Variants in QTRT1 observed in about 807,000 individuals in gnomAD.
The protein encoded by QTRT1 is queuine tRNA-ribosyltransferase catalytic subunit 1, also known as TGT, 43-KD subunit.
QTRT1 carries 41 observed loss-of-function variants against 44.0 expected under a neutral mutation model. The observed-to-expected ratio is 0.93, with a 90% CI of 0.73 to 1.21. The LOEUF (loss-of-function observed/expected upper bound fraction) is 1.21. QTRT1 is among the 50% of genes most tolerant of loss of function. The pLI is 0.00. For missense variants in QTRT1, 542 were observed against 575.8 expected, an observed-to-expected ratio of 0.94 and a Z score of 0.60; for synonymous variants, 226 against 237.1, an observed-to-expected ratio of 0.95 and a Z score of 0.43.
intron 1 of QTRT1, 32 bp downstream of exon 1, chr19:10,701,735 C>G (rs2068690085): frequency 6.4e-7 from 1 of 1,553,794 alleles, no homozygotes; most frequent in East Asian, 2.4e-5. Context: ...GGGGAGGCGG[C>G]GAGGCGGCGA....
At chr19:10,704,265 C>G (rs571274781) in intron 3 of QTRT1, among the ~76,000 whole-genome samples, 1 of 152,202 alleles carries the variant, frequency 6.6e-6, no homozygotes, top group African/African-American at 2.4e-5. Flanking sequence ...GCATGAGCCA[C>G]TGTGCCAGCC....
rs1489047146 is a variant in QTRT1, at chr19:10,712,827, G to A, written c.931G>A (p.Gly311Ser). 5.0e-6 allele frequency: 8 copies of A among 1,613,862 alleles called. No homozygotes were observed. The East Asian group carries it at 6.7e-5, about 13-fold the overall frequency. ...LRKKVFEKDF[G>S]PIDPECTCPT... ...GAAGAAGGTGTTTGAGAAGGACTTC[G>A]GCCCCATAGACCCGGAGTGCACCTG... is the stretch of plus-strand genomic sequence containing the variant. The change falls in exon 8 of 10, where the codon GGC (glycine) becomes AGC (serine). Residue 311 changes from glycine (G) to serine (S), a missense_variant. By Grantham distance (56) the Gly-to-Ser change is moderately conservative (BLOSUM62 0). Transcript: ENST00000250237. The surrounding 1 kb of genome is among the most constrained non-coding windows in gnomAD (Gnocchi z 5.6).
intron 3 of QTRT1, among the ~76,000 whole-genome samples, chr19:10,702,743 T>C (rs964728556): frequency 1.7e-4 from 25 of 148,272 alleles, no homozygotes; most frequent in Non-Finnish European, 2.7e-4. Flanking sequence ...GCTTCTCCCA[T>C]ATCCTCAATA....
chr19:10,712,189 C>T lies in QTRT1; in HGVS notation c.675C>T (p.Phe225=), dbSNP rs780126367. 66 of 1,613,580 alleles carry T rather than the reference C, an allele frequency of 4.1e-5. No homozygotes were observed. The highest frequency in any genetic ancestry group is 3.7e-4 in the South Asian group (34 of 91,062). The change falls in exon 6 of 10, where the codon TTC becomes TTT. Residue 225 remains phenylalanine (F), a synonymous_variant. Coordinates refer to ENST00000250237, the MANE Select transcript of QTRT1 (RefSeq NM_031209.3). The surrounding 1 kb of genome is among the most constrained non-coding windows in gnomAD (Gnocchi z 5.6). The part of the protein sequence containing the change: ...EEMTKRDVPG[F]AIGGLSGGES... ...TGACCAAGCGAGACGTGCCTGGCTT[C>T]GCCATCGGGGGCCTGAGCGGGGGTG... is the stretch of plus-strand genomic sequence containing the variant.
At position 10,713,105 on chromosome 19, in the gene QTRT1, C is replaced by T. The variant is rs1363827778; in HGVS notation, c.1060-13C>T. On this transcript the variant is annotated splice_polypyrimidine_tract_variant and intron_variant, in intron 9 of 9. Transcript: ENST00000250237. The surrounding 1 kb of genome is among the most constrained non-coding windows in gnomAD (Gnocchi z 4.3). ...AGGTGCGTATGCCCCACGCTGACCT[C>T]CCCTCCCCGCAGCTGCAGCTCATGA... 6.2e-7 allele frequency: 1 copy of T among 1,608,540 alleles called. No individual in the cohort carries two copies. Among genetic ancestry groups the T allele is most frequent in the Non-Finnish European group, 8.5e-7 (1 of 1,179,434 alleles).
Position 10,713,234 on chromosome 19 carries a change from T to C in QTRT1, c.1176T>C (p.Thr392=). Residue 392 remains threonine (T), a synonymous_variant, in exon 10 of 10, where the codon ACT becomes ACC. Transcript: ENST00000250237. This position sits in a 1 kb window ranked among gnomAD's most constrained non-coding sequence, Gnocchi z 4.3. ...GDPTLCPTWA[T]DALASVGITL... ...CCACCCTCTGTCCCACCTGGGCCAC[T>C]GACGCTCTGGCCTCTGTGGGAATCA... 1 of 1,601,866 alleles carries C rather than the reference T, an allele frequency of 6.2e-7. No homozygotes were observed.
At chr19:10,707,164 G>C (rs150186668) in intron 3 of QTRT1, 138 bp from the exon 4 acceptor site, 4 of 801,304 alleles carry the variant, frequency 5.0e-6, no homozygotes, top group Non-Finnish European at 8.5e-6. Context: ...TAAACAGACC[G>C]GGAAAGTCAC....
chr19:10,707,062 T>C (rs1245362402), intron 3 of QTRT1, among the ~76,000 whole-genome samples: 1 of 152,232 alleles, frequency 6.6e-6, no homozygotes, highest in Non-Finnish European at 1.5e-5. Context: ...TTGTATATTT[T>C]AGGATTTTAT....
At chr19:10,707,653 C>T (rs369708697) in intron 5 of QTRT1, 38 bp downstream of exon 5, 42 of 1,468,956 alleles carry the variant, frequency 2.9e-5, no homozygotes, top group East Asian at 2.3e-5. Context: ...GCTTGGCCAT[C>T]GCGGAGGTCC....
intron 3 of QTRT1, among the ~76,000 whole-genome samples, chr19:10,705,098 A>G (rs560972930): frequency 6.6e-6 from 1 of 150,996 alleles, no homozygotes; most frequent in South Asian, 2.1e-4. Flanking sequence ...TACTTTTAGT[A>G]GAGACGGGGT....
At position 10,712,530 on chromosome 19, in the gene QTRT1, T is replaced by A; in HGVS notation, c.786-23T>A. On this transcript the variant is annotated intron_variant, in intron 6 of 9. Coordinates refer to ENST00000250237, the MANE Select transcript of QTRT1 (RefSeq NM_031209.3). The surrounding 1 kb of genome is among the most constrained non-coding windows in gnomAD (Gnocchi z 5.6). ...GAAGCCCCTGAGGTTCTCTGCCCCC[T>A]CCCGTCATGGCTGCAACCCCAGCTA... The A allele has an allele frequency of 6.2e-7, 1 of 1,608,618 alleles. No individual in the cohort carries two copies. The highest frequency in any genetic ancestry group is 8.5e-7 in the Non-Finnish European group (1 of 1,175,278).
Position 10,712,566 on chromosome 19 carries a change from C to T in QTRT1, c.799C>T (p.Leu267=). 1.9e-6 allele frequency: 3 copies of T among 1,613,684 alleles called. No homozygotes were observed. Among genetic ancestry groups the T allele is most frequent in the Non-Finnish European group, 2.5e-6 (3 of 1,179,726 alleles). The change falls in exon 7 of 10, where the codon CTG becomes TTG. Residue 267 remains leucine, a synonymous_variant. Transcript: ENST00000250237. This position sits in a 1 kb window ranked among gnomAD's most constrained non-coding sequence, Gnocchi z 5.6. ...YLMGVGYATD[L]VVCVALGCDM... ...CTGCAACCCCAGCTATGCCACTGATCTGGTAGTCTGCGTGGCTCTTGGATG... is the reference window on the plus strand; with the variant it reads ...CTGCAACCCCAGCTATGCCACTGATTTGGTAGTCTGCGTGGCTCTTGGATG...
At chr19:10,710,659 T>C (rs2068734794) in intron 5 of QTRT1, among the ~76,000 whole-genome samples, 2 of 151,800 alleles carry the variant, frequency 1.3e-5, no homozygotes, top group South Asian at 4.2e-4. Flanking sequence ...TGGTGGCTCA[T>C]GCCTGTAATC....
intron 3 of QTRT1, among the ~76,000 whole-genome samples, chr19:10,705,337 C>T (rs2145619879): frequency 6.6e-6 from 1 of 151,796 alleles, no homozygotes; most frequent in South Asian, 2.1e-4. Context: ...CTTCTGGGTT[C>T]AAGCACTTCT....
At position 10,702,905 on chromosome 19, in the gene QTRT1, G is replaced by T. The variant is rs1426293435; in HGVS notation, c.451+651G>T. 5.3e-5 allele frequency among the ~76,000 whole-genome samples: 8 copies of T among 150,692 alleles called. No homozygotes were observed. The East Asian group carries it at 1.4e-3, about 26-fold the overall frequency. The stretch of plus-strand genomic sequence containing the variant: ...CTGACTCAGCCTCCCGAGTAGCTGG[G>T]ATTACAGGTGTGCGCCACCACACCT... On this transcript the variant is annotated intron_variant, in intron 3 of 9. Coordinates refer to ENST00000250237, the MANE Select transcript of QTRT1 (RefSeq NM_031209.3).
In QTRT1 at chr19:10,712,566, C is replaced by G. The variant is rs1346888116; in HGVS notation, c.799C>G (p.Leu267Val). The change falls in exon 7 of 10, where the codon CTG (leucine) becomes GTG (valine). Residue 267 changes from leucine (L) to valine (V), a missense_variant. Coordinates refer to ENST00000250237, the MANE Select transcript of QTRT1 (RefSeq NM_031209.3). This position sits in a 1 kb window ranked among gnomAD's most constrained non-coding sequence, Gnocchi z 5.6. ...CTGCAACCCCAGCTATGCCACTGAT[C>G]TGGTAGTCTGCGTGGCTCTTGGATG... is the stretch of plus-strand genomic sequence containing the variant. The part of the protein sequence containing the change: ...YLMGVGYATD[L>V]VVCVALGCDM... 11 of 1,613,566 alleles carry G rather than the reference C, an allele frequency of 6.8e-6. No individual in the cohort carries two copies. Among genetic ancestry groups the G allele is most frequent in the Non-Finnish European group, 8.5e-6 (10 of 1,179,734 alleles).
rs560594127 is a variant in QTRT1, at chr19:10,713,175, G to A, written c.1117G>A (p.Val373Met). The A allele has an allele frequency of 1.1e-5, 17 of 1,609,894 alleles. No individual in the cohort carries two copies. The East Asian group carries it at 1.1e-4, about 11-fold the overall frequency. ...SIVEKRFPDF[V>M]RDFMGAMYGD... ...CGTGGAGAAGCGCTTCCCGGACTTC[G>A]TGCGGGACTTCATGGGCGCCATGTA... The change falls in exon 10 of 10, where the codon GTG becomes ATG. Residue 373 changes from valine to methionine, a missense_variant. Transcript: ENST00000250237. This position sits in a 1 kb window ranked among gnomAD's most constrained non-coding sequence, Gnocchi z 4.3.
At position 10,712,467 on chromosome 19, in the gene QTRT1, C is replaced by G; in HGVS notation, c.786-86C>G. ...GGGGGCCATTCTGAGGGAATATGGC[C>G]CAGTCTGGGGCAGTGTGAGGGTTGG... On this transcript the variant is annotated intron_variant, in intron 6 of 9. Transcript: ENST00000250237. The surrounding 1 kb of genome is among the most constrained non-coding windows in gnomAD (Gnocchi z 5.6). 6.8e-7 allele frequency: 1 copy of G among 1,463,610 alleles called. No homozygotes were observed. The highest frequency in any genetic ancestry group is 9.6e-7 in the Non-Finnish European group (1 of 1,046,582). The allele number at this position is 1,463,610 out of a possible 1,614,324, so 90.7% of individuals were successfully genotyped here. A position where few individuals can be genotyped will look rare whatever the true frequency, so the allele number is the denominator to read the frequency against.
intron 5 of QTRT1, chr19:10,709,393 G>A (rs2067700272): frequency 6.6e-6 from 1 of 152,208 alleles, no homozygotes; most frequent in Admixed American, 6.6e-5. Context: ...ACCAGTCTGG[G>A]TGACATAGTG....
Sources: gnomAD v4.1 joint callset for allele counts (sites outside exome capture counted in the v4.1 genomes callset) on GRCh38, gnomAD v4.1.1 for gene constraint, Gnocchi (gnomAD v3.1) non-coding constraint, MANE v1.5 for transcripts, NCBI Gene and HGNC (gene_info 2026-07-23, HGNC 2026-07-21) for gene names.